The following ADGRL2 variants were observed in gnomAD, a reference collection of about 807,000 sequenced individuals.
The protein encoded by ADGRL2 is adhesion G protein-coupled receptor L2.
ADGRL2 carries 44 observed loss-of-function variants against 157.4 expected under a neutral mutation model. The ratio of observed to expected loss-of-function variants is 0.28; its 90% CI spans 0.22 to 0.36. The LOEUF (loss-of-function observed/expected upper bound fraction) is 0.36, where lower values mean the gene tolerates loss of function less well. Among genes scored for constraint, ADGRL2 ranks in the 10% least tolerant of loss-of-function variants. The pLI is 1.00. For synonymous variants in ADGRL2, 585 were observed against 624.7 expected, an observed-to-expected ratio of 0.94 and a Z score of 0.95; for missense variants, 1,510 against 1,768.9, an observed-to-expected ratio of 0.85 and a Z score of 2.63.
intron 6 of ADGRL2, among the ~76,000 whole-genome samples, chr1:81,946,867 G>A (rs765687853): frequency 1.7e-4 from 26 of 152,152 alleles, no homozygotes; most frequent in Non-Finnish European, 3.1e-4. Flanking sequence ...GGGTGAGGGT[G>A]AATTCTTGGA....
chr1:81,478,048 G>A (rs2078308610), intron 2 of ADGRL2, among the ~76,000 whole-genome samples: 1 of 152,006 alleles, frequency 6.6e-6, no homozygotes, highest in Admixed American at 6.6e-5. Context: ...TTTATTTTTG[G>A]GGGTTTTCTT....
chr1:81,848,294 G>C (rs900371456), intron 2 of ADGRL2, among the ~76,000 whole-genome samples: 2 of 151,840 alleles, frequency 1.3e-5, no homozygotes, highest in East Asian at 3.9e-4. Context: ...TACCTGAGAG[G>C]TCGAAGTATT....
At chr1:81,764,574 G>A (rs1278472553) in intron 2 of ADGRL2, among the ~76,000 whole-genome samples, 2 of 152,004 alleles carry the variant, frequency 1.3e-5, no homozygotes, top group Non-Finnish European at 2.9e-5. Flanking sequence ...CTCTAATTAT[G>A]TAGCTATAAA....
chr1:81,747,501 C>T (rs1328876550), intron 1 of ADGRL2, among the ~76,000 whole-genome samples: 1 of 151,886 alleles, frequency 6.6e-6, no homozygotes, highest in Non-Finnish European at 1.5e-5. Flanking sequence ...GGGGTTTCAT[C>T]ATGTTCCCCA....
intron 1 of ADGRL2, among the ~76,000 whole-genome samples, chr1:81,335,723 G>C (rs531970990): frequency 1.1e-3 from 160 of 151,806 alleles, no homozygotes; most frequent in South Asian, 7.3e-3. Flanking sequence ...TTCACCATCT[G>C]TCAGTTTTCA....
intron 1 of ADGRL2, among the ~76,000 whole-genome samples, chr1:81,822,070 CA>C (rs1207485293): frequency 8.0e-6 from 1 of 124,676 alleles, no homozygotes. Flanking sequence ...GTTTAATTCC[CA>C]GTGTGGAATG....
At chr1:81,753,237 G>A (rs931649354) in intron 1 of ADGRL2, among the ~76,000 whole-genome samples, 3 of 152,214 alleles carry the variant, frequency 2.0e-5, no homozygotes, top group African/African-American at 7.2e-5. Flanking sequence ...TCACAATCAT[G>A]GCAGAAGGCA....
At chr1:81,616,312 G>A (rs749316776) in intron 3 of ADGRL2, among the ~76,000 whole-genome samples, 4 of 152,200 alleles carry the variant, frequency 2.6e-5, no homozygotes, top group Admixed American at 6.5e-5. Context: ...GGTACCACAC[G>A]CAGGACCCAC....
intron 1 of ADGRL2, among the ~76,000 whole-genome samples, chr1:81,333,378 A>T (rs1321173281): frequency 6.6e-6 from 1 of 151,430 alleles, no homozygotes; most frequent in Non-Finnish European, 1.5e-5. Flanking sequence ...TATGCTGGGC[A>T]CCTCCTTGAC....
intron 1 of ADGRL2, among the ~76,000 whole-genome samples, chr1:81,410,254 T>A (rs1021663696): frequency 2.6e-5 from 4 of 152,218 alleles, no homozygotes; most frequent in Non-Finnish European, 5.9e-5. Context: ...TATCTACCTT[T>A]AAAAAGTAAA....
At chr1:81,972,898 C>A (rs1009117665) in intron 17 of ADGRL2, among the ~76,000 whole-genome samples, 2 of 118,420 alleles carry the variant, frequency 1.7e-5, no homozygotes, top group Non-Finnish European at 3.4e-5. Flanking sequence ...GGCAACAGAG[C>A]GAGACCCTGT....
At chr1:81,367,113 T>C (rs528332477) in intron 1 of ADGRL2, among the ~76,000 whole-genome samples, 2 of 152,364 alleles carry the variant, frequency 1.3e-5, no homozygotes, top group East Asian at 3.9e-4. Flanking sequence ...ACTTTCCTGC[T>C]AGCCCTGTTC....
At chr1:81,941,653 A>G (rs971390473) in intron 4 of ADGRL2, among the ~76,000 whole-genome samples, 3 of 151,876 alleles carry the variant, frequency 2.0e-5, no homozygotes, top group Non-Finnish European at 2.9e-5. Context: ...ATTTATGTCT[A>G]TAGCATACAT....
chr1:81,820,403 A>T (rs192304269), intron 1 of ADGRL2, among the ~76,000 whole-genome samples: 233 of 152,288 alleles, frequency 1.5e-3, no homozygotes, highest in African/African-American at 5.5e-3. Flanking sequence ...ATGCAGTTAC[A>T]GTGCTTAATA....
intron 3 of ADGRL2, among the ~76,000 whole-genome samples, chr1:81,924,798 C>G (rs1357036507): frequency 3.3e-5 from 5 of 151,980 alleles, no homozygotes; most frequent in African/African-American, 1.2e-4. Context: ...CTAATCCATT[C>G]TATTAAGCAG....
At chr1:81,904,923 G>T (rs991097131) in intron 2 of ADGRL2, among the ~76,000 whole-genome samples, 3 of 151,978 alleles carry the variant, frequency 2.0e-5, no homozygotes, top group Non-Finnish European at 4.4e-5. Flanking sequence ...CCTGTTAAAG[G>T]CACGACCTCC....
intron 3 of ADGRL2, among the ~76,000 whole-genome samples, chr1:81,620,810 A>G (rs2081773420): frequency 6.6e-6 from 1 of 152,244 alleles, no homozygotes; most frequent in Non-Finnish European, 1.5e-5. Flanking sequence ...TTTCAAATGT[A>G]TAAGTTCAGG....
In ADGRL2 at chr1:81,886,218, C is replaced by A. The variant is rs528510023; in HGVS notation, c.74-20799C>A. On this transcript the variant is annotated intron_variant, in intron 2 of 23. Transcript: ENST00000686636. The stretch of plus-strand genomic sequence containing the variant: ...ACAAAGTCTTGCTTTTGTCACCAGG[C>A]TGGAGTGCAGTGGTGCGATCTCAGC... 5.9e-5 allele frequency among the ~76,000 whole-genome samples: 9 copies of A among 152,300 alleles called. 1 individual carries two copies. In the South Asian group the frequency reaches 1.2e-3, roughly 21 times the overall value.
At chr1:81,741,966 C>T (rs1010778652) in intron 1 of ADGRL2, among the ~76,000 whole-genome samples, 2 of 151,850 alleles carry the variant, frequency 1.3e-5, no homozygotes, top group African/African-American at 4.8e-5. Flanking sequence ...CATAAGCTAA[C>T]TGTGAATGTG....
Sources: allele counts gnomAD v4.1 joint callset (sites outside exome capture counted in the v4.1 genomes callset), GRCh38; gene constraint gnomAD v4.1.1; transcripts MANE v1.5; gene names NCBI Gene and HGNC (gene_info 2026-07-23, HGNC 2026-07-21).